The following ALDH1B1 variants were observed in gnomAD, a reference collection of about 807,000 sequenced individuals.
ALDH1B1 encodes aldehyde dehydrogenase 1 family member B1, also known as aldehyde dehydrogenase family 1 member B1, mitochondrial.
Under a neutral mutation model 26.2 loss-of-function variants are expected in ALDH1B1, and 19 were observed. That is an observed-to-expected ratio of 0.72 (90% CI 0.51 to 1.06). The LOEUF is 1.06. ALDH1B1 is among the 50% of genes least tolerant of loss of function. The probability of loss-of-function intolerance (pLI) is 0.00; values close to 1 mark genes in which losing one functional copy is unlikely to be tolerated. For synonymous variants in ALDH1B1, 249 were observed against 286.0 expected, an observed-to-expected ratio of 0.87 and a Z score of 1.31; for missense variants, 671 against 683.1, an observed-to-expected ratio of 0.98 and a Z score of 0.20.
chr9:38,397,168 A>C lies in ALDH1B1; in HGVS notation c.1420A>C (p.Asn474His). Residue 474 changes from asparagine (N) to histidine (H), a missense_variant, in exon 2 of 2, where the codon AAC becomes CAC. By Grantham distance (68) the Asn-to-His change is moderately conservative. Coordinates refer to ENST00000377698, the MANE Select transcript of ALDH1B1 (RefSeq NM_000692.5). ...QAGTVWVNTYNIVTCHTPFGG... is the reference protein window; with the variant it reads ...QAGTVWVNTYHIVTCHTPFGG... ...CGGGACCGTGTGGGTAAACACCTAC[A>C]ACATCGTCACCTGCCACACGCCATT... 1 of 1,614,156 alleles carries C rather than the reference A, an allele frequency of 6.2e-7. No individual in the cohort carries two copies. Among genetic ancestry groups the C allele is most frequent in the South Asian group, 1.1e-5 (1 of 91,068 alleles).
chr9:38,396,669 C>A lies in ALDH1B1; in HGVS notation c.921C>A (p.Cys307Ter), dbSNP rs768934547. 3.1e-6 allele frequency: 5 copies of A among 1,614,168 alleles called. No homozygotes were observed. Among genetic ancestry groups the A allele is most frequent in the Non-Finnish European group, 4.2e-6 (5 of 1,180,030 alleles). Residue 307 changes from cysteine (C) to a stop codon, truncating the protein, a stop_gained, in exon 2 of 2, where the codon TGC (cysteine) becomes TGA (stop). Transcript: ENST00000377698. LOFTEE classifies it high-confidence loss of function. ...DADMEHAVEQ[C>*]HEALFFNMGQ... ...ACATGGAGCATGCCGTGGAGCAGTGCCACGAAGCCCTGTTCTTCAACATGG... is the reference window on the plus strand; with the variant it reads ...ACATGGAGCATGCCGTGGAGCAGTGACACGAAGCCCTGTTCTTCAACATGG...
intron 1 of ALDH1B1, among the ~76,000 whole-genome samples, chr9:38,395,416 G>A (rs1284949687): frequency 6.6e-6 from 1 of 152,224 alleles, no homozygotes; most frequent in African/African-American, 2.4e-5. Context: ...ATGTGAGATA[G>A]AGAAGGAGTA....
chr9:38,393,828 T>TTTTTTTC (rs1821231081), intron 1 of ALDH1B1, among the ~76,000 whole-genome samples: 1 of 151,810 alleles, frequency 6.6e-6, no homozygotes, highest in Non-Finnish European at 1.5e-5. Flanking sequence ...CCCCCCTTTT[T>TTTTTTTC]TTTTTTCATT....
chr9:38,394,291 T>C (rs1258685470), intron 1 of ALDH1B1, among the ~76,000 whole-genome samples: 1 of 152,036 alleles, frequency 6.6e-6, no homozygotes, highest in African/African-American at 2.4e-5. Flanking sequence ...CAGCATTGAT[T>C]ATTATTATTT....
chr9:38,395,598 C>G (rs1441915325), intron 1 of ALDH1B1, 142 bp from the exon 2 acceptor site: 3 of 1,214,980 alleles, frequency 2.5e-6, no homozygotes, highest in African/African-American at 3.1e-5. Context: ...TCATCAGGGC[C>G]CTCACAGCTC....
rs771932519 is a variant in ALDH1B1 at position 38,396,637 on chromosome 9, G to T, written c.889G>T (p.Asp297Tyr). The change falls in exon 2 of 2, where the codon GAT (aspartate) becomes TAT (tyrosine). Residue 297 changes from aspartate (D) to tyrosine (Y), a missense_variant. By Grantham distance (160) the Asp-to-Tyr change is radical. Transcript: ENST00000377698. ...GGKSPSIVLA[D>Y]ADMEHAVEQC... ...TAAGAGCCCCAGCATCGTGCTGGCC[G>T]ATGCTGACATGGAGCATGCCGTGGA... is the stretch of plus-strand genomic sequence containing the variant. 1.2e-6 allele frequency: 2 copies of T among 1,614,054 alleles called. No individual in the cohort carries two copies. The highest frequency in any genetic ancestry group is 8.5e-7 in the Non-Finnish European group (1 of 1,180,034).
intron 1 of ALDH1B1, chr9:38,394,613 AC>A: frequency 1.0e-6 from 1 of 985,452 alleles, no homozygotes; most frequent in Non-Finnish European, 1.2e-6. Context: ...CCGGGGACCT[AC>A]ATGGAGCCTT....
Position 38,397,042 on chromosome 9 carries a change from GA to G in ALDH1B1, c.1295del (p.Glu432GlyfsTer39). 1 of 1,614,218 alleles carries G rather than the reference GA, an allele frequency of 6.2e-7. No homozygotes were observed. The highest frequency in any genetic ancestry group is 8.5e-7 in the Non-Finnish European group (1 of 1,180,020). On this transcript the variant is annotated frameshift_variant, in exon 2 of 2. Coordinates refer to ENST00000377698, the MANE Select transcript of ALDH1B1 (RefSeq NM_000692.5). LOFTEE classifies it high-confidence loss of function. ...CCTGTTCAAGTTCAAGAAGATTGAGGAGGTGGTTGAGAGGGCCAACAACACC... is the reference window on the plus strand; with the variant it reads ...CCTGTTCAAGTTCAAGAAGATTGAGGGGTGGTTGAGAGGGCCAACAACACC... ...QPLFKFKKIE[E>X]VVERANNTRY... is the part of the protein sequence containing the mutation.
intron 1 of ALDH1B1, among the ~76,000 whole-genome samples, chr9:38,393,817 C>G (rs931342346): frequency 1.2e-5 from 1 of 80,462 alleles, no homozygotes; most frequent in East Asian, 2.8e-4. Flanking sequence ...TTCTTAGTAT[C>G]CCCCCCTTTT....
chr9:38,393,274 A>G (rs1243344722), intron 1 of ALDH1B1, among the ~76,000 whole-genome samples: 2 of 152,048 alleles, frequency 1.3e-5, no homozygotes, highest in East Asian at 3.9e-4. Context: ...AGGCTCCTAT[A>G]CTTTCTTGCT....
Position 38,395,768 on chromosome 9 carries a change from C to A in ALDH1B1, c.20C>A (p.Pro7His), listed in dbSNP as rs764446668. Residue 7 changes from proline to histidine, a missense_variant, in exon 2 of 2, where the codon CCC becomes CAC. By Grantham distance (77) the Pro-to-His change is moderately conservative (BLOSUM62 -2). Coordinates refer to ENST00000377698, the MANE Select transcript of ALDH1B1 (RefSeq NM_000692.5). MLRFLA[P>H]RLLSLQGRTA... is the part of the protein sequence containing the mutation. ...GTCAGCATGCTGCGCTTCCTGGCAC[C>A]CCGGCTGCTTAGCCTCCAGGGCAGG... 6.3e-6 allele frequency: 10 copies of A among 1,598,624 alleles called. No individual in the cohort carries two copies. Among genetic ancestry groups the A allele is most frequent in the Non-Finnish European group, 8.5e-6 (10 of 1,170,642 alleles).
In ALDH1B1 at chr9:38,398,199, G is replaced by T. The variant is rs1220042763; in HGVS notation, c.*897G>T. On this transcript the variant is annotated 3_prime_UTR_variant, in exon 2 of 2. Transcript: ENST00000377698. ...GTGGGCATGGGATTTGTTTTTGGGA[G>T]GTTTTGAAAATGTTCTGGAGTTGAA... 1 of 166,966 alleles carries T rather than the reference G, an allele frequency of 6.0e-6. No individual in the cohort carries two copies. Among genetic ancestry groups the T allele is most frequent in the African/African-American group, 2.4e-5 (1 of 41,406 alleles). The allele number at this position is 166,966 out of a possible 1,614,324, so 10.3% of individuals were successfully genotyped here.
In ALDH1B1 at chr9:38,396,211, A is replaced by G; in HGVS notation, c.463A>G (p.Lys155Glu). 1 of 1,614,178 alleles carries G rather than the reference A, an allele frequency of 6.2e-7. No individual in the cohort carries two copies. Among genetic ancestry groups the G allele is most frequent in the Admixed American group, 1.7e-5 (1 of 60,030 alleles). ...VYRYFAGWAD[K>E]WHGKTIPMDG... ...TCGGTACTTTGCTGGCTGGGCTGAC[A>G]AGTGGCATGGCAAGACCATCCCCAT... Residue 155 changes from lysine to glutamate, a missense_variant, in exon 2 of 2, where the codon AAG becomes GAG. By Grantham distance (56) the Lys-to-Glu change is moderately conservative (BLOSUM62 1). Coordinates refer to ENST00000377698, the MANE Select transcript of ALDH1B1 (RefSeq NM_000692.5).
Position 38,395,992 on chromosome 9 carries a change from G to A in ALDH1B1, c.244G>A (p.Ala82Thr), listed in dbSNP as rs1185735686. ...DRADVDRAVK[A>T]AREAFRLGSP... ...GGCTGATGTGGATCGGGCCGTGAAA[G>A]CAGCCCGGGAAGCCTTCCGCCTGGG... Residue 82 changes from alanine (A) to threonine (T), a missense_variant, in exon 2 of 2, where the codon GCA becomes ACA. Coordinates refer to ENST00000377698, the MANE Select transcript of ALDH1B1 (RefSeq NM_000692.5). 1.4e-5 allele frequency: 22 copies of A among 1,613,720 alleles called. No homozygotes were observed. Among genetic ancestry groups the A allele is most frequent in the Non-Finnish European group, 1.7e-5 (20 of 1,180,036 alleles).
chr9:38,396,299 C>T lies in ALDH1B1; in HGVS notation c.551C>T (p.Pro184Leu), dbSNP rs764069633. The change falls in exon 2 of 2, where the codon CCG (proline) becomes CTG (leucine). Residue 184 changes from proline to leucine, a missense_variant. Coordinates refer to ENST00000377698, the MANE Select transcript of ALDH1B1 (RefSeq NM_000692.5). ...GTTGGTGTCTGTGGCCAGATCATCC[C>T]GTGGAACTTCCCCTTGGTCATGCAG... Reference protein sequence around the residue: ...EPVGVCGQIIPWNFPLVMQGW... With the variant: ...EPVGVCGQIILWNFPLVMQGW... 1.2e-5 allele frequency: 19 copies of T among 1,614,036 alleles called. No individual in the cohort carries two copies. Among genetic ancestry groups the T allele is most frequent in the African/African-American group, 4.0e-5 (3 of 74,934 alleles).
rs139074626 is a variant in ALDH1B1, at chr9:38,395,800, C to G, written c.52C>G (p.Arg18Gly). The change falls in exon 2 of 2, where the codon CGC becomes GGC. Residue 18 changes from arginine to glycine, a missense_variant. By Grantham distance (125) the Arg-to-Gly change is moderately radical. Transcript: ENST00000377698. The stretch of plus-strand genomic sequence containing the variant: ...GCTTAGCCTCCAGGGCAGGACCGCC[C>G]GCTACTCCTCGGCAGCAGCCCTCCC... Reference protein sequence around the residue: ...RLLSLQGRTARYSSAAALPSP... With the variant: ...RLLSLQGRTAGYSSAAALPSP... 1.9e-6 allele frequency: 3 copies of G among 1,612,162 alleles called. No homozygotes were observed. The highest frequency in any genetic ancestry group is 2.5e-6 in the Non-Finnish European group (3 of 1,179,682).
At chr9:38,392,923 TTGC>T in intron 1 of ALDH1B1, 116 bp downstream of exon 1, 1 of 984,918 alleles carries the variant, frequency 1.0e-6, no homozygotes, top group South Asian at 4.7e-5. Flanking sequence ...CTTTCCGCCG[TTGC>T]ACTGTAGGAC....
At position 38,396,099 on chromosome 9, in the gene ALDH1B1, C is replaced by A. The variant is rs751071218; in HGVS notation, c.351C>A (p.Val117=). The A allele has an allele frequency of 6.2e-7, 1 of 1,614,062 alleles. No individual in the cohort carries two copies. The highest frequency in any genetic ancestry group is 2.2e-5 in the East Asian group (1 of 44,884). The part of the protein sequence containing the change: ...RLADLVERDR[V]YLASLETLDN... ...CAGACCTAGTGGAGCGGGATCGAGT[C>A]TACTTGGCCTCACTCGAGACCTTGG... The change falls in exon 2 of 2, where the codon GTC becomes GTA. Residue 117 remains valine, a synonymous_variant. Coordinates refer to ENST00000377698, the MANE Select transcript of ALDH1B1 (RefSeq NM_000692.5).
At position 38,396,095 on chromosome 9, in the gene ALDH1B1, G is replaced by A. The variant is rs201556556; in HGVS notation, c.347G>A (p.Arg116Gln). ...CTGGCAGACCTAGTGGAGCGGGATCGAGTCTACTTGGCCTCACTCGAGACC... is the reference window on the plus strand; with the variant it reads ...CTGGCAGACCTAGTGGAGCGGGATCAAGTCTACTTGGCCTCACTCGAGACC... ...NRLADLVERD[R>Q]VYLASLETLD... The change falls in exon 2 of 2, where the codon CGA becomes CAA. Residue 116 changes from arginine to glutamine, a missense_variant. Coordinates refer to ENST00000377698, the MANE Select transcript of ALDH1B1 (RefSeq NM_000692.5). The A allele has an allele frequency of 2.1e-4, 332 of 1,614,184 alleles. No homozygotes were observed. Among genetic ancestry groups the A allele is most frequent in the Non-Finnish European group, 9.1e-5 (107 of 1,180,012 alleles).
Sources: gnomAD v4.1 joint callset for allele counts (sites outside exome capture counted in the v4.1 genomes callset) on GRCh38, gnomAD v4.1.1 for gene constraint, MANE v1.5 for transcripts, NCBI Gene and HGNC (gene_info 2026-07-23, HGNC 2026-07-21) for gene names.